ADAMTS12: variants seen among roughly 807,000 people sequenced by gnomAD.
ADAMTS12 encodes the protein ADAM metallopeptidase with thrombospondin type 1 motif 12.
ADAMTS12 carries 118 observed loss-of-function variants against 167.8 expected under a neutral mutation model. The observed-to-expected ratio is 0.70, with a 90% CI of 0.61 to 0.82. The LOEUF is 0.82. ADAMTS12 is among the 40% of genes least tolerant of loss of function. The probability of loss-of-function intolerance (pLI) is 0.00; values close to 1 mark genes in which losing one functional copy is unlikely to be tolerated. For missense variants in ADAMTS12, 1,916 were observed against 1,998.8 expected (o/e 0.96, Z 0.79); for synonymous variants, 704 against 716.9 (o/e 0.98, Z 0.29).
intron 18 of ADAMTS12, among the ~76,000 whole-genome samples, chr5:33,586,878 C>T (rs1747380100): frequency 6.6e-6 from 1 of 152,178 alleles, no homozygotes; most frequent in African/African-American, 2.4e-5. Context: ...GATGTGTGTA[C>T]ATACATCTGT....
chr5:33,868,607 G>T lies in ADAMTS12; in HGVS notation c.489+12512C>A, dbSNP rs75338004. Among the ~76,000 whole-genome samples, 544 of 152,314 alleles carry T rather than the reference G, an allele frequency of 3.6e-3. 6 individuals carry two copies. Among genetic ancestry groups the T allele is most frequent in the African/African-American group, 0.013 (526 of 41,564 alleles). ...GGAATAAATTTATAAGGAGCAAAATGTTCAAGATGTGGCCTGGCTGTTTCT... is the reference window on the plus strand; with the variant it reads ...GGAATAAATTTATAAGGAGCAAAATTTTCAAGATGTGGCCTGGCTGTTTCT... On this transcript the variant is annotated intron_variant, in intron 2 of 23. Coordinates refer to ENST00000504830, the MANE Select transcript of ADAMTS12 (RefSeq NM_030955.4).
chr5:33,742,834 A>G (rs1380435897), intron 3 of ADAMTS12, among the ~76,000 whole-genome samples: 1 of 152,224 alleles, frequency 6.6e-6, no homozygotes, highest in African/African-American at 2.4e-5. Flanking sequence ...AGGATACTGC[A>G]GAGAACAAAA....
At chr5:33,865,414 G>A (rs549753495) in intron 2 of ADAMTS12, among the ~76,000 whole-genome samples, 10 of 152,144 alleles carry the variant, frequency 6.6e-5, no homozygotes, top group African/African-American at 9.6e-5. Flanking sequence ...ATAAAATCCC[G>A]CATTGCTTTA....
rs1445344097 is a variant in ADAMTS12 at position 33,822,459 on chromosome 5, T to A, written c.489+58660A>T. On this transcript the variant is annotated intron_variant, in intron 2 of 23. Transcript: ENST00000504830. ...ATCTGCAAATGAGGAAATTGGGTTA[T>A]ATTTTCTATAAGACCTCTTTAATCT... Among the ~76,000 whole-genome samples, 7 of 152,310 alleles carry A rather than the reference T, an allele frequency of 4.6e-5. No homozygotes were observed. The South Asian group carries it at 1.2e-3, about 27-fold the overall frequency.
Position 33,527,356 on chromosome 5 carries a change from G to A in ADAMTS12, c.4617C>T (p.Cys1539=). The A allele has an allele frequency of 1.9e-6, 3 of 1,613,922 alleles. No individual in the cohort carries two copies. Among genetic ancestry groups the A allele is most frequent in the Non-Finnish European group, 2.5e-6 (3 of 1,179,920 alleles). ...QACKKSADLL[C]TKDKLSASFC... The stretch of plus-strand genomic sequence containing the variant: ...AACTGGCTGACAGTTTGTCCTTAGT[G>A]CAAAGTAAATCTGTGGAAGGAGAAA... Residue 1539 remains cysteine (C), a synonymous_variant, in exon 24 of 24, where the codon TGC becomes TGT. Transcript: ENST00000504830.
At chr5:33,800,148 T>C (rs532611558) in intron 2 of ADAMTS12, among the ~76,000 whole-genome samples, 378 of 152,314 alleles carry the variant, frequency 2.5e-3, no homozygotes, top group African/African-American at 8.8e-3. Context: ...AGTAGACTTA[T>C]ATAGATACAC....
chr5:33,703,589 AC>A (rs1425203052), intron 3 of ADAMTS12, among the ~76,000 whole-genome samples: 1 of 152,084 alleles, frequency 6.6e-6, no homozygotes, highest in Non-Finnish European at 1.5e-5. Flanking sequence ...TAACCACCAT[AC>A]TACTCTCTGC....
At position 33,578,768 on chromosome 5, in the gene ADAMTS12, G is replaced by A. The variant is rs139694088; in HGVS notation, c.2866-1608C>T. 1.5e-3 allele frequency among the ~76,000 whole-genome samples: 235 copies of A among 152,246 alleles called. 2 individuals carry two copies. Among genetic ancestry groups the A allele is most frequent in the African/African-American group, 5.5e-3 (227 of 41,546 alleles). On this transcript the variant is annotated intron_variant, in intron 18 of 23. Coordinates refer to ENST00000504830, the MANE Select transcript of ADAMTS12 (RefSeq NM_030955.4). ...CATAATCACTTACTGATGTAAAACA[G>A]CTCTGTGAAATCAGCTCTTTTGAAA...
intron 2 of ADAMTS12, among the ~76,000 whole-genome samples, chr5:33,784,534 T>C (rs908345260): frequency 6.6e-6 from 1 of 152,060 alleles, no homozygotes; most frequent in African/African-American, 2.4e-5. Flanking sequence ...AAAATAGTTG[T>C]ATTCTGTACC....
intron 16 of ADAMTS12, among the ~76,000 whole-genome samples, chr5:33,602,783 T>C (rs1330849600): frequency 6.6e-6 from 1 of 152,248 alleles, no homozygotes; most frequent in Non-Finnish European, 1.5e-5. Context: ...ATAAATCCTG[T>C]AGGAACTAGT....
rs1743761692 is a variant in ADAMTS12 at position 33,525,246 on chromosome 5, A to C, written c.*1942T>G. On this transcript the variant is annotated 3_prime_UTR_variant, in exon 24 of 24. Transcript: ENST00000504830. ...AAACCATTATTCACCAGAGATTGCT[A>C]TCGGCCAGCAATGTTTATGTTTAAA... 6.6e-6 allele frequency: 1 copy of C among 152,236 alleles called. No individual in the cohort carries two copies. Among genetic ancestry groups the C allele is most frequent in the Non-Finnish European group, 1.5e-5 (1 of 68,050 alleles). The allele number at this position is 152,236 out of a possible 1,614,324, so 9.4% of individuals were successfully genotyped here.
At chr5:33,776,438 T>C (rs1269395674) in intron 2 of ADAMTS12, among the ~76,000 whole-genome samples, 2 of 152,140 alleles carry the variant, frequency 1.3e-5, no homozygotes, top group African/African-American at 2.4e-5. Context: ...TTCACCAATA[T>C]GTGGAATTTA....
chr5:33,758,438 A>T (rs1353375905), intron 2 of ADAMTS12, among the ~76,000 whole-genome samples: 1 of 152,200 alleles, frequency 6.6e-6, no homozygotes, highest in Non-Finnish European at 1.5e-5. Flanking sequence ...GGACTCCTTC[A>T]GCAGAAGTAT....
At chr5:33,839,985 T>C (rs1197058994) in intron 2 of ADAMTS12, among the ~76,000 whole-genome samples, 1 of 152,222 alleles carries the variant, frequency 6.6e-6, no homozygotes, top group African/African-American at 2.4e-5. Flanking sequence ...TTCAAATTTA[T>C]TCCTCTAAAT....
intron 12 of ADAMTS12, among the ~76,000 whole-genome samples, chr5:33,631,508 T>A (rs1456002561): frequency 6.6e-6 from 1 of 152,162 alleles, no homozygotes; most frequent in Non-Finnish European, 1.5e-5. Flanking sequence ...AACCTGCTTA[T>A]CATAGTGATC....
intron 2 of ADAMTS12, among the ~76,000 whole-genome samples, chr5:33,851,807 T>C (rs571653275): frequency 3.1e-4 from 47 of 152,356 alleles, no homozygotes; most frequent in African/African-American, 1.1e-3. Context: ...TTCTGCACCA[T>C]ACGTTCAGGT....
chr5:33,788,815 C>CTT, intron 2 of ADAMTS12, among the ~76,000 whole-genome samples: 1 of 152,294 alleles, frequency 6.6e-6, no homozygotes, highest in African/African-American at 2.4e-5. Context: ...ACACATTCAC[C>CTT]TTTGTTCTTC....
intron 3 of ADAMTS12, among the ~76,000 whole-genome samples, chr5:33,730,378 G>A (rs1191073914): frequency 6.6e-6 from 1 of 151,174 alleles, no homozygotes; most frequent in Non-Finnish European, 1.5e-5. Flanking sequence ...TTTTGGAAGA[G>A]GATGGGTGGG....
chr5:33,690,889 G>A (rs919937054), intron 3 of ADAMTS12, among the ~76,000 whole-genome samples: 10 of 152,118 alleles, frequency 6.6e-5, no homozygotes, highest in Non-Finnish European at 1.3e-4. Flanking sequence ...TTCTCACAAT[G>A]AAGACCAGAT....
Sources: gnomAD v4.1 joint callset for allele counts (sites outside exome capture counted in the v4.1 genomes callset) on GRCh38, gnomAD v4.1.1 for gene constraint, MANE v1.5 for transcripts, NCBI Gene and HGNC (gene_info 2026-07-23, HGNC 2026-07-21) for gene names.